TM2D3: variants seen among roughly 807,000 people sequenced by gnomAD.
TM2D3 encodes the protein TM2 domain containing 3.
TM2D3 carries 33 observed loss-of-function variants against 27.3 expected under a neutral mutation model. The observed-to-expected ratio is 1.21, with a 90% confidence interval of 0.92 to 1.61. The LOEUF (loss-of-function observed/expected upper bound fraction) is 1.61. Among genes scored for constraint, TM2D3 ranks in the 40% most tolerant of loss-of-function variants. The pLI is 0.00. For missense variants in TM2D3, 364 were observed against 320.8 expected (o/e 1.13, Z -1.03); for synonymous variants, 138 against 122.2 (o/e 1.13, Z -0.85).
rs910009907 is a variant in TM2D3, at chr15:101,642,342, T to C, written c.*137A>G. 26 of 1,347,456 alleles carry C rather than the reference T, an allele frequency of 1.9e-5. No individual in the cohort carries two copies. The highest frequency in any genetic ancestry group is 2.5e-5 in the Non-Finnish European group (26 of 1,046,306). 83.5% of individuals were successfully genotyped at this position (1,347,456 alleles called of 1,614,324 possible). On this transcript the variant is annotated 3_prime_UTR_variant, in exon 6 of 6. Transcript: ENST00000333202. Reference sequence around the variant, plus strand: ...TTAGCATAGTTCAGCGTTTCATTTATCTTACCTTTATCAAGGCAAACAAAG... The same window carrying C: ...TTAGCATAGTTCAGCGTTTCATTTACCTTACCTTTATCAAGGCAAACAAAG...
At position 101,650,103 on chromosome 15, in the gene TM2D3, C is replaced by G; in HGVS notation, c.228G>C (p.Arg76Ser). The change falls in exon 3 of 6, where the codon AGG becomes AGC. Residue 76 changes from arginine (R) to serine (S), a missense_variant. Physicochemically the swap from Arg to Ser is moderately radical, Grantham distance 110. Coordinates refer to ENST00000333202, the MANE Select transcript of TM2D3 (RefSeq NM_078474.3). ...MKCPSNGLCS[R>S]LPADCIDCTT... The stretch of plus-strand genomic sequence containing the variant: ...TGCAGTCTATACAGTCTGCAGGAAG[C>G]CTGCTACACAAACCATTGCTCGGAC... 1 of 1,614,146 alleles carries G rather than the reference C, an allele frequency of 6.2e-7. No individual in the cohort carries two copies. Among genetic ancestry groups the G allele is most frequent in the East Asian group, 2.2e-5 (1 of 44,882 alleles).
At chr15:101,633,800 A>G in intron 4 of TM2D3, 1 of 1,307,622 alleles carries the variant, frequency 7.6e-7, no homozygotes, top group Admixed American at 2.4e-5. Context: ...CAACATGTCC[A>G]GGAGACAATA....
At chr15:101,636,855 T>A (rs1394329989), downstream of TM2D3, 2 of 391,744 alleles carry the variant, frequency 5.1e-6, no homozygotes, top group African/African-American at 2.1e-5. Flanking sequence ...TTTTCTTTTA[T>A]TTTTTAGAGA....
downstream of TM2D3, among the ~76,000 whole-genome samples, chr15:101,640,753 T>C (rs144255086): frequency 4.0e-3 from 606 of 152,368 alleles, 7 homozygotes; most frequent in African/African-American, 0.014. Context: ...AAGTCCTTGA[T>C]CTGAAGCATT....
rs771412733 is a variant in TM2D3 at position 101,645,073 on chromosome 15, G to C, written c.578+14C>G. On this transcript the variant is annotated intron_variant, in intron 5 of 5. Coordinates refer to ENST00000333202, the MANE Select transcript of TM2D3 (RefSeq NM_078474.3). The stretch of plus-strand genomic sequence containing the variant: ...TGCAAACGGCCTTTTACACTTACGA[G>C]TAACAAGGCTTACCTTAGAGCCAGA... 3 of 1,609,952 alleles carry C rather than the reference G, an allele frequency of 1.9e-6. No homozygotes were observed. Among genetic ancestry groups the C allele is most frequent in the Admixed American group, 3.4e-5 (2 of 59,610 alleles).
chr15:101,633,767 A>G (rs1896497186), intron 4 of TM2D3: 17 of 1,501,394 alleles, frequency 1.1e-5, no homozygotes, highest in Non-Finnish European at 1.4e-5. Flanking sequence ...AGAAAAAACA[A>G]TTAGTTCTTA....
intron 4 of TM2D3, chr15:101,633,846 C>G: frequency 1.2e-6 from 1 of 829,918 alleles, no homozygotes; most frequent in Non-Finnish European, 1.8e-6. Flanking sequence ...ACATTCACAA[C>G]TTGATTGAGA....
At chr15:101,652,025 A>G (rs1018763267) in intron 1 of TM2D3, 1 of 577,510 alleles carries the variant, frequency 1.7e-6, no homozygotes, top group Non-Finnish European at 3.0e-6. Context: ...CCAGCCCCCA[A>G]GCGCTCCATC....
chr15:101,642,063 T>A lies in TM2D3; in HGVS notation c.*416A>T. The stretch of plus-strand genomic sequence containing the variant: ...AGCCAACAACAGAAACACTCCCACT[T>A]CCTGCAGTCACAGCAATTAGCTAAC... On this transcript the variant is annotated 3_prime_UTR_variant, in exon 6 of 6. Coordinates refer to ENST00000333202, the MANE Select transcript of TM2D3 (RefSeq NM_078474.3). 2.0e-6 allele frequency: 2 copies of A among 987,386 alleles called. No homozygotes were observed. The highest frequency in any genetic ancestry group is 2.4e-6 in the Non-Finnish European group (2 of 831,032). The allele number at this position is 987,386 out of a possible 1,614,324, so 61.2% of individuals were successfully genotyped here. A position where few individuals can be genotyped will look rare whatever the true frequency, so the allele number is the denominator to read the frequency against.
chr15:101,635,774 G>A (rs1896538827), intron 4 of TM2D3: 1 of 152,208 alleles, frequency 6.6e-6, no homozygotes, highest in Admixed American at 6.5e-5. Flanking sequence ...TTCGCTGAAT[G>A]AAGAAATACG....
intron 5 of TM2D3, among the ~76,000 whole-genome samples, chr15:101,643,599 T>TA (rs1158728522): frequency 0.015 from 693 of 46,572 alleles, 7 homozygotes; most frequent in Admixed American, 0.041. Context: ...GAGACTCCGT[T>TA]AAAAAAAAAA....
chr15:101,643,687 ATAG>A (rs1246840059), intron 5 of TM2D3, among the ~76,000 whole-genome samples: 1 of 148,558 alleles, frequency 6.7e-6, no homozygotes, highest in Non-Finnish European at 1.5e-5. Context: ...ATGTTACAGT[ATAG>A]TACTGTAAGA....
rs773303956 is a variant in TM2D3 at position 101,652,313 on chromosome 15, C to G, written c.49G>C (p.Val17Leu). The change falls in exon 1 of 6, where the codon GTG becomes CTG. Residue 17 changes from valine (V) to leucine (L), a missense_variant. Val to Leu is a conservative substitution (Grantham distance 32). Coordinates refer to ENST00000333202, the MANE Select transcript of TM2D3 (RefSeq NM_078474.3). ...PLRGLRALCR[V>L]LLFLSQFCIL... The stretch of plus-strand genomic sequence containing the variant: ...CAGAACTGCGAGAGGAAGAGCAGCA[C>G]GCGACACAAGGCGCGGAGGCCCCTC... 2.5e-6 allele frequency: 4 copies of G among 1,603,210 alleles called. No homozygotes were observed. Among genetic ancestry groups the G allele is most frequent in the South Asian group, 1.1e-5 (1 of 90,418 alleles).
At chr15:101,652,045 G>A (rs1045696015) in intron 1 of TM2D3, 2 of 559,386 alleles carry the variant, frequency 3.6e-6, no homozygotes, top group Non-Finnish European at 6.1e-6. Flanking sequence ...CTCCGTGCCA[G>A]GGCTCCGCAG....
intron 3 of TM2D3, among the ~76,000 whole-genome samples, chr15:101,648,879 C>T (rs989341864): frequency 2.0e-5 from 3 of 152,170 alleles, no homozygotes; most frequent in Non-Finnish European, 2.9e-5. Context: ...ATATCTATAA[C>T]ATAAATTCCT....
chr15:101,651,641 G>C, intron 2 of TM2D3, 55 bp downstream of exon 2: 1 of 1,511,094 alleles, frequency 6.6e-7, no homozygotes, highest in Non-Finnish European at 9.0e-7. Context: ...TAAAAACAAA[G>C]AGAAACTACT....
rs777374004 is a variant in TM2D3 at position 101,646,849 on chromosome 15, T to A, written c.378A>T (p.Arg126Ser). ...QKNFIINMTC[R>S]FCWQLPETDY... is the part of the protein sequence containing the mutation. ...CTGTTTCAGGAAGCTGCCAGCAAAA[T>A]CTGCAAGTCATGTTAATGATGAAGT... The change falls in exon 4 of 6, where the codon AGA (arginine) becomes AGT (serine). Residue 126 changes from arginine (R) to serine (S), a missense_variant. Physicochemically the swap from Arg to Ser is moderately radical, Grantham distance 110. Coordinates refer to ENST00000333202, the MANE Select transcript of TM2D3 (RefSeq NM_078474.3). 3.1e-6 allele frequency: 5 copies of A among 1,614,062 alleles called. No individual in the cohort carries two copies. In the African/African-American group the frequency reaches 5.3e-5, roughly 17 times the overall value.
chr15:101,652,170 T>C (rs1175519522), intron 1 of TM2D3, 101 bp downstream of exon 1: 1 of 1,140,142 alleles, frequency 8.8e-7, no homozygotes, highest in Non-Finnish European at 1.3e-6. Context: ...CTCGGCCTCC[T>C]CCCCGCGTCA....
At chr15:101,634,494 T>C (rs1319398265) in intron 4 of TM2D3, 2 of 151,966 alleles carry the variant, frequency 1.3e-5, no homozygotes, top group Admixed American at 1.3e-4. Context: ...ACCATTAGAG[T>C]TGGAGACTGC....
Sources: gnomAD v4.1 joint callset for allele counts (sites outside exome capture counted in the v4.1 genomes callset) on GRCh38, gnomAD v4.1.1 for gene constraint, MANE v1.5 for transcripts, NCBI Gene and HGNC (gene_info 2026-07-23, HGNC 2026-07-21) for gene names.